ATP6V1D: variants seen among roughly 807,000 people sequenced by gnomAD.
ATP6V1D encodes ATPase H+ transporting V1 subunit D.
In ATP6V1D, 20 loss-of-function variants were observed where a neutral mutation model predicts 39.4. The observed-to-expected ratio is 0.51, with a 90% confidence interval of 0.36 to 0.74. ATP6V1D has a LOEUF of 0.74. Ranked by LOEUF, ATP6V1D falls within the 30% of genes least tolerant of loss-of-function variation. The probability of loss-of-function intolerance (pLI) is 0.00; values close to 1 mark genes in which losing one functional copy is unlikely to be tolerated. For synonymous variants in ATP6V1D, 100 were observed against 100.5 expected (o/e 0.99, Z 0.03); for missense variants, 228 against 291.6 (o/e 0.78, Z 1.59).
At chr14:67,345,673 C>T in intron 6 of ATP6V1D, 95 bp downstream of exon 6, 2 of 752,684 alleles carry the variant, frequency 2.7e-6, no homozygotes, top group Non-Finnish European at 4.5e-6. Context: ...GTTAAAAGTA[C>T]AAAGCACAGT....
intron 1 of ATP6V1D, among the ~76,000 whole-genome samples, chr14:67,358,962 C>A (rs1176410617): frequency 1.3e-5 from 2 of 152,156 alleles, no homozygotes; most frequent in Non-Finnish European, 1.5e-5. Context: ...CTGGAGAGAG[C>A]CCACAGTCTA....
Position 67,338,603 on chromosome 14 carries a change from G to A in ATP6V1D, c.*18C>T, listed in dbSNP as rs766831781. 22 of 1,607,722 alleles carry A rather than the reference G, an allele frequency of 1.4e-5. No individual in the cohort carries two copies. Among genetic ancestry groups the A allele is most frequent in the Non-Finnish European group, 1.7e-5 (20 of 1,177,596 alleles). On this transcript the variant is annotated 3_prime_UTR_variant, in exon 9 of 9. Coordinates refer to ENST00000216442, the MANE Select transcript of ATP6V1D (RefSeq NM_015994.4). ...GAAGCCAGTGTTAGGGTTTCTCAAA[G>A]AACCAGAACAGGAAAGATTATTCAA...
chr14:67,346,878 TC>T (rs1343748991), intron 5 of ATP6V1D, among the ~76,000 whole-genome samples: 2 of 152,238 alleles, frequency 1.3e-5, no homozygotes, highest in African/African-American at 4.8e-5. Flanking sequence ...GAATTCATAT[TC>T]AAAAGGCCTT....
chr14:67,353,043 A>C lies in ATP6V1D; in HGVS notation c.42-3T>G. ...GAGCCTTCATGATGGTCTGTGCCCT[A>C]TATAAACATAAACAAAGTTAAGACA... is the stretch of plus-strand genomic sequence containing the variant. On this transcript the variant is annotated splice_polypyrimidine_tract_variant and splice_region_variant and intron_variant, in intron 1 of 8. Transcript: ENST00000216442. The C allele has an allele frequency of 6.3e-7, 1 of 1,596,686 alleles. No homozygotes were observed. The highest frequency in any genetic ancestry group is 1.1e-5 in the South Asian group (1 of 87,836).
intron 7 of ATP6V1D, among the ~76,000 whole-genome samples, 165 bp from the exon 8 acceptor site, chr14:67,340,683 C>T (rs1394060730): frequency 1.3e-5 from 2 of 152,202 alleles, no homozygotes; most frequent in South Asian, 4.1e-4. Flanking sequence ...TCCTCTCCCC[C>T]TCCCCCTCTC....
rs367698541 is a variant in ATP6V1D at position 67,347,464 on chromosome 14, C to T, written c.308-11G>A. On this transcript the variant is annotated splice_polypyrimidine_tract_variant and intron_variant, in intron 4 of 8. Coordinates refer to ENST00000216442, the MANE Select transcript of ATP6V1D (RefSeq NM_015994.4). Reference sequence around the variant, plus strand: ...CTGGCAAAGTAACACCTGTTAAACACAGAAGCATACATGGATTCATAAACC... The same window carrying T: ...CTGGCAAAGTAACACCTGTTAAACATAGAAGCATACATGGATTCATAAACC... 1.7e-5 allele frequency: 27 copies of T among 1,592,490 alleles called. No individual in the cohort carries two copies. The highest frequency in any genetic ancestry group is 2.0e-5 in the Non-Finnish European group (23 of 1,164,088).
intron 8 of ATP6V1D, 90 bp downstream of exon 8, chr14:67,340,350 A>G (rs1566595486): frequency 1.8e-6 from 2 of 1,084,592 alleles, no homozygotes; most frequent in Non-Finnish European, 1.4e-6. Context: ...TGCTAATTCT[A>G]AAGAACATAA....
At chr14:67,346,738 A>G (rs1052524557) in intron 5 of ATP6V1D, among the ~76,000 whole-genome samples, 1 of 152,232 alleles carries the variant, frequency 6.6e-6, no homozygotes, top group Non-Finnish European at 1.5e-5. Context: ...AAAATCTAGA[A>G]AGAATCAGCA....
At position 67,359,734 on chromosome 14, in the gene ATP6V1D, G is replaced by A. The variant is rs776985593; in HGVS notation, c.-36C>T. 3.1e-6 allele frequency: 5 copies of A among 1,612,812 alleles called. No individual in the cohort carries two copies. Among genetic ancestry groups the A allele is most frequent in the African/African-American group, 2.7e-5 (2 of 74,902 alleles). On this transcript the variant is annotated 5_prime_UTR_variant, in exon 1 of 9. Transcript: ENST00000216442. The stretch of plus-strand genomic sequence containing the variant: ...ACTTTTCGGCTCGGGTCCCCGGCCG[G>A]GCAACCGAGGCTGCAATAGCTCCAG...
Position 67,340,549 on chromosome 14 carries a change from G to T in ATP6V1D, c.524-31C>A, listed in dbSNP as rs113317116. 2,685 of 1,566,904 alleles carry T rather than the reference G, an allele frequency of 1.7e-3. 28 individuals carry two copies. The African/African-American group carries it at 0.025, about 15-fold the overall frequency. ...ATAAAAAAAAAAATAATATGTGTGA[G>T]AACTTCAAACCCCTTTTTTCAAATT... On this transcript the variant is annotated intron_variant, in intron 7 of 8. Coordinates refer to ENST00000216442, the MANE Select transcript of ATP6V1D (RefSeq NM_015994.4).
At chr14:67,341,516 G>T (rs1310639174) in intron 7 of ATP6V1D, among the ~76,000 whole-genome samples, 1 of 151,616 alleles carries the variant, frequency 6.6e-6, no homozygotes, top group Non-Finnish European at 1.5e-5. Context: ...GGAGGTGGGG[G>T]GGGTCAGCCC....
chr14:67,355,208 T>C (rs1361794445), intron 1 of ATP6V1D, among the ~76,000 whole-genome samples: 2 of 152,070 alleles, frequency 1.3e-5, no homozygotes, highest in Non-Finnish European at 2.9e-5. Context: ...ACAGCAATCA[T>C]TTTATTAATT....
Position 67,340,514 on chromosome 14 carries a change from G to A in ATP6V1D, c.528C>T (p.Ile176=), listed in dbSNP as rs2085572004. 1.9e-6 allele frequency: 3 copies of A among 1,582,804 alleles called. No individual in the cohort carries two copies. Among genetic ancestry groups the A allele is most frequent in the African/African-American group, 1.8e-5 (1 of 57,036 alleles). The change falls in exon 8 of 9, where the codon ATC becomes ATT. Residue 176 remains isoleucine, a synonymous_variant. Coordinates refer to ENST00000216442, the MANE Select transcript of ATP6V1D (RefSeq NM_015994.4). ...NRRVNAIEHV[I]IPRIERTLAY... is the part of the protein sequence containing the mutation. ...CAAGAGTACGTTCAATCCGGGGAAT[G>A]ATGACTAGAATAAAAAAAAAAATAA...
rs1262958149 is a variant in ATP6V1D, at chr14:67,356,445, AAACAAAAAC to A, written c.41+3204_41+3212del. On this transcript the variant is annotated intron_variant, in intron 1 of 8. Transcript: ENST00000216442. Reference sequence around the variant, plus strand: ...CAAAAAAACAAAAACAAAAAAAAAAAAACAAAAACAAACAAACACCATTTGGCCAAATTC... The same window carrying A: ...CAAAAAAACAAAAACAAAAAAAAAAAAAACAAACACCATTTGGCCAAATTC... Among the ~76,000 whole-genome samples, 3 of 141,612 alleles carry A rather than the reference AAACAAAAAC, an allele frequency of 2.1e-5. No homozygotes were observed. In the East Asian group the frequency reaches 7.3e-4, roughly 35 times the overall value. 92.9% of individuals were successfully genotyped at this position (141,612 alleles called of 152,430 possible). A position where few individuals can be genotyped will look rare whatever the true frequency, so the allele number is the denominator to read the frequency against.
At chr14:67,357,158 A>C (rs2085690781) in intron 1 of ATP6V1D, among the ~76,000 whole-genome samples, 1 of 152,186 alleles carries the variant, frequency 6.6e-6, no homozygotes, top group South Asian at 2.1e-4. Flanking sequence ...CTTCCACTCT[A>C]CAATTGTTTT....
intron 1 of ATP6V1D, among the ~76,000 whole-genome samples, chr14:67,357,921 C>G (rs1262509461): frequency 6.6e-6 from 1 of 152,154 alleles, no homozygotes; most frequent in Admixed American, 6.5e-5. Flanking sequence ...AAATGGCTCT[C>G]AAAGATACTT....
chr14:67,339,283 C>T (rs994913734), intron 8 of ATP6V1D, among the ~76,000 whole-genome samples: 15 of 152,250 alleles, frequency 9.9e-5, no homozygotes, highest in African/African-American at 3.6e-4. Context: ...AGGCATGAGC[C>T]ACCGAGCCCA....
At chr14:67,359,527 A>G in intron 1 of ATP6V1D, 131 bp downstream of exon 1, 1 of 1,054,316 alleles carries the variant, frequency 9.5e-7, no homozygotes. Flanking sequence ...CCCTAGACTC[A>G]AGAAAAGAAC....
intron 3 of ATP6V1D, among the ~76,000 whole-genome samples, chr14:67,349,519 T>G (rs2085643027): frequency 6.6e-6 from 1 of 152,194 alleles, no homozygotes; most frequent in Non-Finnish European, 1.5e-5. Flanking sequence ...TGGCTTTGTG[T>G]GACTTCTCAA....
Sources: allele counts gnomAD v4.1 joint callset (sites outside exome capture counted in the v4.1 genomes callset), GRCh38; gene constraint gnomAD v4.1.1; transcripts MANE v1.5; gene names NCBI Gene and HGNC (gene_info 2026-07-23, HGNC 2026-07-21).